The following DPP10 variants were observed in gnomAD, a reference collection of about 807,000 sequenced individuals.
The protein encoded by DPP10 is inactive dipeptidyl peptidase 10.
A neutral mutation model predicts 120.9 loss-of-function variants in DPP10; 33 were observed. That is an observed-to-expected ratio of 0.27 (90% CI 0.21 to 0.37). The LOEUF is 0.37. Ranked by LOEUF, DPP10 falls within the 10% of genes least tolerant of loss-of-function variation. DPP10 has a pLI of 1.00. For missense variants in DPP10, 816 were observed against 942.8 expected, an observed-to-expected ratio of 0.87 and a Z score of 1.76; for synonymous variants, 337 against 326.1, an observed-to-expected ratio of 1.03 and a Z score of -0.36.
intron 3 of DPP10, among the ~76,000 whole-genome samples, chr2:115,414,965 A>T (rs1198857854): frequency 6.6e-6 from 1 of 152,154 alleles, no homozygotes; most frequent in Non-Finnish European, 1.5e-5. Context: ...ATGCAGAGAG[A>T]TCTCTCTAAA....
intron 1 of DPP10, among the ~76,000 whole-genome samples, chr2:115,292,189 T>A (rs1302586596): frequency 1.3e-5 from 2 of 152,124 alleles, no homozygotes; most frequent in African/African-American, 4.8e-5. Flanking sequence ...TCACCTAAAC[T>A]TCATAGGAAT....
chr2:114,835,124 A>G (rs868273342), intron 1 of DPP10: 5 of 150,238 alleles, frequency 3.3e-5, no homozygotes, highest in Admixed American at 1.3e-4. Flanking sequence ...ACCTATGTAT[A>G]TATAAGACAT....
chr2:115,067,389 C>T (rs1706956256), intron 1 of DPP10, among the ~76,000 whole-genome samples: 1 of 151,298 alleles, frequency 6.6e-6, no homozygotes, highest in South Asian at 2.1e-4. Flanking sequence ...GTAGCTGGGA[C>T]TACAGGCGCC....
intron 3 of DPP10, among the ~76,000 whole-genome samples, chr2:115,425,272 G>A (rs2070352518): frequency 1.3e-5 from 2 of 152,170 alleles, no homozygotes; most frequent in Non-Finnish European, 2.9e-5. Flanking sequence ...TTCTAGAAAC[G>A]TATCTAGGCA....
At chr2:114,744,677 T>C (rs966264894) in intron 1 of DPP10, among the ~76,000 whole-genome samples, 5 of 152,214 alleles carry the variant, frequency 3.3e-5, no homozygotes, top group African/African-American at 9.6e-5. Context: ...TCTTGGTTGA[T>C]GCCTGTGTTT....
chr2:115,605,292 C>T (rs2083630676), intron 5 of DPP10, among the ~76,000 whole-genome samples: 1 of 152,008 alleles, frequency 6.6e-6, no homozygotes, highest in South Asian at 2.1e-4. Flanking sequence ...AATGAGAAGA[C>T]TGTGAGCTAG....
chr2:115,683,438 C>CA (rs1216048904), intron 5 of DPP10, among the ~76,000 whole-genome samples: 1 of 151,828 alleles, frequency 6.6e-6, no homozygotes, highest in Non-Finnish European at 1.5e-5. Context: ...ATTATATACT[C>CA]ATCATAACTC....
At chr2:115,107,216 T>C (rs2048991688) in intron 1 of DPP10, among the ~76,000 whole-genome samples, 1 of 152,090 alleles carries the variant, frequency 6.6e-6, no homozygotes, top group African/African-American at 2.4e-5. Flanking sequence ...ACTTAATTTG[T>C]GTATTATAAC....
chr2:115,467,696 A>G (rs1482984096), intron 3 of DPP10, among the ~76,000 whole-genome samples: 1 of 152,200 alleles, frequency 6.6e-6, no homozygotes, highest in Non-Finnish European at 1.5e-5. Flanking sequence ...TTAAGAGTAC[A>G]AGGCATCTGG....
intron 1 of DPP10, among the ~76,000 whole-genome samples, chr2:114,909,861 G>A (rs1694234675): frequency 1.3e-5 from 2 of 151,880 alleles, no homozygotes; most frequent in Non-Finnish European, 2.9e-5. Flanking sequence ...ATAAATATAT[G>A]CACACAGCAG....
chr2:114,529,890 G>T (rs565648798), intron 1 of DPP10, among the ~76,000 whole-genome samples: 1 of 152,066 alleles, frequency 6.6e-6, no homozygotes, highest in South Asian at 2.1e-4. Context: ...TCCTCTATGT[G>T]TCCATGTGTT....
At chr2:114,826,461 T>C (rs957564875) in intron 1 of DPP10, among the ~76,000 whole-genome samples, 1 of 152,226 alleles carries the variant, frequency 6.6e-6, no homozygotes, top group Non-Finnish European at 1.5e-5. Flanking sequence ...ATTAAAAGCA[T>C]AAAAAGTTTA....
Position 115,845,041 on chromosome 2 carries a change from A to T in DPP10, c.*2696A>T, listed in dbSNP as rs1690505471. 1 of 152,056 alleles carries T rather than the reference A, an allele frequency of 6.6e-6. No individual in the cohort carries two copies. Among genetic ancestry groups the T allele is most frequent in the African/African-American group, 2.4e-5 (1 of 41,400 alleles). 9.4% of individuals were successfully genotyped at this position (152,056 alleles called of 1,614,324 possible). ...TTTAGCATAAAAATCACTATTGGGG[A>T]TCTTACAGATGTCTGTTGTAGATCT... On this transcript the variant is annotated 3_prime_UTR_variant, in exon 26 of 26. Transcript: ENST00000410059.
At chr2:115,519,977 CTAATA>C (rs2148873815) in intron 4 of DPP10, among the ~76,000 whole-genome samples, 1 of 152,270 alleles carries the variant, frequency 6.6e-6, no homozygotes, top group East Asian at 1.9e-4. Context: ...TATCAAAAAA[CTAATA>C]ATGAGATTGA....
At chr2:115,483,455 C>G (rs1339603649) in intron 3 of DPP10, among the ~76,000 whole-genome samples, 2 of 83,102 alleles carry the variant, frequency 2.4e-5, no homozygotes, top group East Asian at 8.4e-4. Context: ...ATCTATCTAT[C>G]TATCTATCTA....
At chr2:115,595,819 ACTTTTT>A (rs1379084775) in intron 5 of DPP10, among the ~76,000 whole-genome samples, 2 of 152,062 alleles carry the variant, frequency 1.3e-5, no homozygotes, top group Admixed American at 6.6e-5. Context: ...AGTCAGAATT[ACTTTTT>A]CTTTAACAAA....
chr2:115,777,698 C>A lies in DPP10; in HGVS notation c.1314-89C>A, dbSNP rs1682279016. 6 of 1,345,876 alleles carry A rather than the reference C, an allele frequency of 4.5e-6. No homozygotes were observed. In the South Asian group the frequency reaches 6.3e-5, roughly 14 times the overall value. The allele number at this position is 1,345,876 out of a possible 1,614,324, so 83.4% of individuals were successfully genotyped here. On this transcript the variant is annotated intron_variant, in intron 14 of 25. Coordinates refer to ENST00000410059, the MANE Select transcript of DPP10 (RefSeq NM_020868.6). ...TTCAGGTGAAGATTCAATGTGAATT[C>A]AGGATTCAATGTGACAATGTGACAA...
At chr2:114,624,849 A>G (rs565110341) in intron 1 of DPP10, among the ~76,000 whole-genome samples, 12 of 152,070 alleles carry the variant, frequency 7.9e-5, no homozygotes, top group Admixed American at 2.6e-4. Flanking sequence ...TCCATCTTCA[A>G]CAGCCATCAA....
At chr2:114,758,425 T>C (rs1304049708) in intron 1 of DPP10, among the ~76,000 whole-genome samples, 1 of 152,218 alleles carries the variant, frequency 6.6e-6, no homozygotes, top group Non-Finnish European at 1.5e-5. Flanking sequence ...TGAGGGTTTT[T>C]TCCCTCGTCT....
Sources: allele counts gnomAD v4.1 joint callset (sites outside exome capture counted in the v4.1 genomes callset), GRCh38; gene constraint gnomAD v4.1.1; transcripts MANE v1.5; gene names NCBI Gene and HGNC (gene_info 2026-07-23, HGNC 2026-07-21).